IQCJ: variants seen among roughly 807,000 people sequenced by gnomAD.
IQCJ encodes the protein IQ domain-containing protein J.
Under a neutral mutation model 11.0 loss-of-function variants are expected in IQCJ, and 9 were observed. That is an observed-to-expected ratio of 0.82 (90% CI 0.49 to 1.43). IQCJ has a LOEUF of 1.43. IQCJ is among the 40% of genes most tolerant of loss of function. The pLI, the probability that IQCJ is intolerant of heterozygous loss-of-function variation, is 0.00. For synonymous variants in IQCJ, 55 were observed against 51.3 expected, an observed-to-expected ratio of 1.07 and a Z score of -0.31; for missense variants, 146 against 133.2, an observed-to-expected ratio of 1.10 and a Z score of -0.47.
intron 1 of IQCJ, among the ~76,000 whole-genome samples, chr3:159,087,109 T>G (rs1472525915): frequency 6.6e-6 from 1 of 152,232 alleles, no homozygotes; most frequent in Non-Finnish European, 1.5e-5. Flanking sequence ...CCTAATGTAT[T>G]GAGAGTTTTT....
At chr3:159,255,471 A>G (rs1727844753) in intron 3 of IQCJ, among the ~76,000 whole-genome samples, 2 of 152,204 alleles carry the variant, frequency 1.3e-5, no homozygotes, top group South Asian at 2.1e-4. Flanking sequence ...AATAGCAGGA[A>G]AGGGTCTCAG....
chr3:159,213,451 G>A (rs73877562), intron 1 of IQCJ, among the ~76,000 whole-genome samples: 1,790 of 152,174 alleles, frequency 0.012, 29 homozygotes, highest in African/African-American at 0.041. Context: ...ATCTCAAGGC[G>A]CATTTTAAGG....
At chr3:159,195,140 A>G (rs1331578178) in intron 1 of IQCJ, among the ~76,000 whole-genome samples, 2 of 151,902 alleles carry the variant, frequency 1.3e-5, no homozygotes, top group East Asian at 3.9e-4. Flanking sequence ...TCACTGGAGC[A>G]CGTTTCCATA....
At chr3:159,075,706 T>C (rs896673470) in intron 1 of IQCJ, among the ~76,000 whole-genome samples, 1 of 152,158 alleles carries the variant, frequency 6.6e-6, no homozygotes, top group Admixed American at 6.5e-5. Context: ...TGTAATTCTG[T>C]GCTCTAACTC....
At chr3:159,180,025 G>A (rs1439210052) in intron 1 of IQCJ, among the ~76,000 whole-genome samples, 2 of 152,188 alleles carry the variant, frequency 1.3e-5, no homozygotes, top group African/African-American at 4.8e-5. Flanking sequence ...TTAGATTTTA[G>A]AAGAAGCAAA....
At chr3:159,133,575 G>T (rs1720117440) in intron 1 of IQCJ, among the ~76,000 whole-genome samples, 2 of 152,136 alleles carry the variant, frequency 1.3e-5, no homozygotes, top group South Asian at 4.1e-4. Flanking sequence ...ATGTCATATG[G>T]ACTGAGGCCT....
chr3:159,211,648 T>C (rs1724958878), intron 1 of IQCJ, among the ~76,000 whole-genome samples: 1 of 152,134 alleles, frequency 6.6e-6, no homozygotes, highest in African/African-American at 2.4e-5. Flanking sequence ...AAATAGCCAG[T>C]GAGTAGTGAA....
chr3:159,264,173 A>T (rs1728374016), downstream of IQCJ, among the ~76,000 whole-genome samples: 1 of 152,238 alleles, frequency 6.6e-6, no homozygotes, highest in Non-Finnish European at 1.5e-5. Context: ...GCCCCAATTC[A>T]CGACAATTCT....
chr3:159,107,274 A>T (rs1014744944), intron 1 of IQCJ, among the ~76,000 whole-genome samples: 3 of 152,166 alleles, frequency 2.0e-5, no homozygotes, highest in Admixed American at 6.5e-5. Context: ...GTGACCTTAT[A>T]AAAAAGACCC....
intron 1 of IQCJ, among the ~76,000 whole-genome samples, chr3:159,242,580 T>G (rs1726992932): frequency 6.6e-6 from 1 of 151,988 alleles, no homozygotes; most frequent in Non-Finnish European, 1.5e-5. Flanking sequence ...TTTTTTTTTT[T>G]TTTTTGGTAT....
chr3:159,171,273 T>C lies in IQCJ; in HGVS notation c.10-74570T>C, dbSNP rs569320724. On this transcript the variant is annotated intron_variant, in intron 1 of 3. Transcript: ENST00000397832. Reference sequence around the variant, plus strand: ...TCAGTGTTATCGATGTACTTTTCCATTTGTTTACGTACATGAATGTAGGAG... The same window carrying C: ...TCAGTGTTATCGATGTACTTTTCCACTTGTTTACGTACATGAATGTAGGAG... Among the ~76,000 whole-genome samples the C allele has an allele frequency of 7.2e-5, 11 of 152,322 alleles. No individual in the cohort carries two copies. In the East Asian group the frequency reaches 1.2e-3, roughly 16 times the overall value.
At chr3:159,136,215 C>T (rs1720281336) in intron 1 of IQCJ, among the ~76,000 whole-genome samples, 1 of 152,136 alleles carries the variant, frequency 6.6e-6, no homozygotes, top group Non-Finnish European at 1.5e-5. Context: ...TATTTTAGTA[C>T]AGCCCCCTGA....
At chr3:159,147,475 C>A (rs1209858046) in intron 1 of IQCJ, among the ~76,000 whole-genome samples, 1 of 152,116 alleles carries the variant, frequency 6.6e-6, no homozygotes, top group Non-Finnish European at 1.5e-5. Context: ...TATGAACTTC[C>A]ATGGATATCT....
chr3:159,152,502 G>A (rs1721289568), intron 1 of IQCJ, among the ~76,000 whole-genome samples: 1 of 152,130 alleles, frequency 6.6e-6, no homozygotes, highest in African/African-American at 2.4e-5. Flanking sequence ...TCAGACTAAA[G>A]ACCTGGGGTT....
At chr3:159,176,442 A>G (rs1722800333) in intron 1 of IQCJ, among the ~76,000 whole-genome samples, 1 of 152,170 alleles carries the variant, frequency 6.6e-6, no homozygotes, top group Admixed American at 6.5e-5. Flanking sequence ...ATATCTTACT[A>G]CACTTAACAG....
chr3:159,086,855 A>G (rs1259279426), intron 1 of IQCJ, among the ~76,000 whole-genome samples: 4 of 152,136 alleles, frequency 2.6e-5, no homozygotes, highest in Non-Finnish European at 4.4e-5. Flanking sequence ...CAATCATGTC[A>G]TCTGCAAACA....
At chr3:159,192,518 T>C (rs1339718564) in intron 1 of IQCJ, among the ~76,000 whole-genome samples, 2 of 152,200 alleles carry the variant, frequency 1.3e-5, no homozygotes, top group Non-Finnish European at 2.9e-5. Flanking sequence ...AGACCTCAGC[T>C]AGTCCTACTG....
intron 1 of IQCJ, among the ~76,000 whole-genome samples, chr3:159,113,453 A>G (rs180731454): frequency 1.3e-5 from 2 of 152,376 alleles, no homozygotes; most frequent in African/African-American, 2.4e-5. Context: ...GAGAAGTTAC[A>G]TATGAGCCTT....
At chr3:159,091,441 C>G (rs190561750) in intron 1 of IQCJ, among the ~76,000 whole-genome samples, 69 of 151,712 alleles carry the variant, frequency 4.5e-4, no homozygotes, top group Admixed American at 9.2e-4. Context: ...TTTGGGGTCC[C>G]TAATGGTATT....
Sources: gnomAD v4.1 joint callset for allele counts (sites outside exome capture counted in the v4.1 genomes callset) on GRCh38, gnomAD v4.1.1 for gene constraint, MANE v1.5 for transcripts, NCBI Gene and HGNC (gene_info 2026-07-23, HGNC 2026-07-21) for gene names.